The following PXDN variants were observed in gnomAD, a reference collection of about 807,000 sequenced individuals.
PXDN encodes peroxidasin homolog.
In PXDN, 77 loss-of-function variants were observed where a neutral mutation model predicts 140.3. That is an observed-to-expected ratio of 0.55 (90% CI 0.46 to 0.66). The LOEUF is 0.66. PXDN is among the 30% of genes least tolerant of loss of function. The pLI, the probability that PXDN is intolerant of heterozygous loss-of-function variation, is 0.00. For synonymous variants in PXDN, 911 were observed against 857.4 expected (o/e 1.06, Z -1.09); for missense variants, 1,838 against 2,039.5 (o/e 0.90, Z 1.90).
At position 1,723,219 on chromosome 2, in the gene PXDN, A is replaced by C. The variant is rs552349132; in HGVS notation, c.200+21037T>G. Among the ~76,000 whole-genome samples, 451 of 152,276 alleles carry C rather than the reference A, an allele frequency of 3.0e-3. 3 individuals carry two copies. Among genetic ancestry groups the C allele is most frequent in the African/African-American group, 0.01 (423 of 41,554 alleles). On this transcript the variant is annotated intron_variant, in intron 1 of 22. Coordinates refer to ENST00000252804, the MANE Select transcript of PXDN (RefSeq NM_012293.3). Reference sequence around the variant, plus strand: ...GATGAATGAATTAATGAATGGAAGAAAGAATAGATGGATGAGTGGTTATGA... The same window carrying C: ...GATGAATGAATTAATGAATGGAAGACAGAATAGATGGATGAGTGGTTATGA...
intron 3 of PXDN, among the ~76,000 whole-genome samples, chr2:1,689,038 C>T (rs531317301): frequency 3.5e-4 from 54 of 152,264 alleles, no homozygotes; most frequent in Non-Finnish European, 6.9e-4. Context: ...ACACGAACCA[C>T]CCAGAACTCC....
At position 1,663,925 on chromosome 2, in the gene PXDN, C is replaced by A; in HGVS notation, c.1409-162G>T. The stretch of plus-strand genomic sequence containing the variant: ...CAAATCTTTGCCTCCCCAGCAGACA[C>A]CATGGTGACACCTGAACGTCCCTGC... On this transcript the variant is annotated intron_variant, in intron 11 of 22. Coordinates refer to ENST00000252804, the MANE Select transcript of PXDN (RefSeq NM_012293.3). 7 of 769,734 alleles carry A rather than the reference C, an allele frequency of 9.1e-6. 1 individual carries two copies. In the South Asian group the frequency reaches 1.0e-4, roughly 12 times the overall value. 47.7% of individuals were successfully genotyped at this position (769,734 alleles called of 1,614,324 possible).
chr2:1,727,406 G>C (rs1256563508), intron 1 of PXDN, among the ~76,000 whole-genome samples: 1 of 152,234 alleles, frequency 6.6e-6, no homozygotes, highest in Non-Finnish European at 1.5e-5. Flanking sequence ...TACTGTGCTT[G>C]GCTGTGCGCT....
chr2:1,713,580 A>T (rs1002465879), intron 1 of PXDN, among the ~76,000 whole-genome samples: 1 of 152,198 alleles, frequency 6.6e-6, no homozygotes, highest in Non-Finnish European at 1.5e-5. Flanking sequence ...CCAGCACCAG[A>T]GGCTGTCTCC....
chr2:1,734,018 A>G (rs977861829), intron 1 of PXDN, among the ~76,000 whole-genome samples: 9 of 152,346 alleles, frequency 5.9e-5, no homozygotes, highest in Non-Finnish European at 8.8e-5. Context: ...CTCTAAAAAG[A>G]TAACTGACAG....
chr2:1,732,552 G>C (rs1685335650), intron 1 of PXDN, among the ~76,000 whole-genome samples: 1 of 152,220 alleles, frequency 6.6e-6, no homozygotes, highest in East Asian at 1.9e-4. Flanking sequence ...CCTTGCCTCA[G>C]TTGTTGAAAA....
At chr2:1,688,845 T>G (rs929884557) in intron 3 of PXDN, among the ~76,000 whole-genome samples, 1 of 152,326 alleles carries the variant, frequency 6.6e-6, no homozygotes, top group Admixed American at 6.5e-5. Context: ...TATAATATTA[T>G]ATAATTCATA....
At chr2:1,667,983 C>G (rs188668944) in intron 9 of PXDN, among the ~76,000 whole-genome samples, 1 of 152,164 alleles carries the variant, frequency 6.6e-6, no homozygotes, top group Non-Finnish European at 1.5e-5. Flanking sequence ...AAAAGCAGCC[C>G]GTATAGCCAA....
At chr2:1,720,834 C>T (rs1303361576) in intron 1 of PXDN, among the ~76,000 whole-genome samples, 1 of 152,132 alleles carries the variant, frequency 6.6e-6, no homozygotes, top group Non-Finnish European at 1.5e-5. Flanking sequence ...ATGACCTGGT[C>T]CTCCCGGACC....
chr2:1,692,050 C>T (rs1413530714), intron 2 of PXDN, 51 bp from the exon 3 acceptor site: 26 of 1,317,826 alleles, frequency 2.0e-5, no homozygotes, highest in Non-Finnish European at 2.7e-5. Flanking sequence ...AAACAAACTT[C>T]GAAGTTGTGT....
rs1417956062 is a variant in PXDN at position 1,680,176 on chromosome 2, C to T, written c.730+17G>A. 5.2e-6 allele frequency: 8 copies of T among 1,528,592 alleles called. No individual in the cohort carries two copies. In the Admixed American group the frequency reaches 1.0e-4, roughly 19 times the overall value. The allele number at this position is 1,528,592 out of a possible 1,614,324, so 94.7% of individuals were successfully genotyped here. A position where few individuals can be genotyped will look rare whatever the true frequency, so the allele number is the denominator to read the frequency against. ...GGTGTGAGTGTGTGGATGGTGTGTG[C>T]GTGTCGGGCCACTCACCACAGTTCA... is the stretch of plus-strand genomic sequence containing the variant. On this transcript the variant is annotated intron_variant, in intron 7 of 22. Transcript: ENST00000252804.
Position 1,649,755 on chromosome 2 carries a change from C to A in PXDN, c.2105-80G>T. The A allele has an allele frequency of 6.7e-7, 1 of 1,490,032 alleles. No homozygotes were observed. The highest frequency in any genetic ancestry group is 9.3e-7 in the Non-Finnish European group (1 of 1,075,148). 92.3% of individuals were successfully genotyped at this position (1,490,032 alleles called of 1,614,324 possible). A position where few individuals can be genotyped will look rare whatever the true frequency, so the allele number is the denominator to read the frequency against. On this transcript the variant is annotated intron_variant, in intron 16 of 22. Transcript: ENST00000252804. This position sits in a 1 kb window ranked among gnomAD's most constrained non-coding sequence, Gnocchi z 7.1. ...GCCCGGTACCCCTTGGCACCTCTGC[C>A]GCTGACATGGGGCTATCTACCCCCA...
chr2:1,742,374 T>A (rs1182804057), intron 1 of PXDN, among the ~76,000 whole-genome samples: 5 of 152,112 alleles, frequency 3.3e-5, no homozygotes, highest in Non-Finnish European at 7.4e-5. Flanking sequence ...AAGTTTAAGA[T>A]AGAAATGGAT....
chr2:1,727,906 C>T (rs1685226085), intron 1 of PXDN, among the ~76,000 whole-genome samples: 1 of 152,204 alleles, frequency 6.6e-6, no homozygotes, highest in South Asian at 2.1e-4. Flanking sequence ...CTGTCTTGTG[C>T]TATTCTGCAC....
chr2:1,700,736 G>A (rs573324318), intron 1 of PXDN, among the ~76,000 whole-genome samples: 10 of 152,144 alleles, frequency 6.6e-5, no homozygotes, highest in South Asian at 6.2e-4. Context: ...TTAGCCAGGC[G>A]TGGTGGCGCA....
rs573745176 is a variant in PXDN, at chr2:1,632,937, G to T, written c.*1267C>A. On this transcript the variant is annotated 3_prime_UTR_variant, in exon 23 of 23. Coordinates refer to ENST00000252804, the MANE Select transcript of PXDN (RefSeq NM_012293.3). The surrounding 1 kb of genome is among the most constrained non-coding windows in gnomAD (Gnocchi z 4.3). Reference sequence around the variant, plus strand: ...GGTCAGCGTGCTGCACTGAAGCTGTGTGTTCGGGGAAAGGTTGCTCAGAAC... The same window carrying T: ...GGTCAGCGTGCTGCACTGAAGCTGTTTGTTCGGGGAAAGGTTGCTCAGAAC... 1.3e-5 allele frequency: 2 copies of T among 152,594 alleles called. No individual in the cohort carries two copies. The highest frequency in any genetic ancestry group is 2.9e-5 in the Non-Finnish European group (2 of 68,044). The allele number at this position is 152,594 out of a possible 1,614,324, so 9.5% of individuals were successfully genotyped here.
chr2:1,713,213 C>T (rs1041033403), intron 1 of PXDN, among the ~76,000 whole-genome samples: 1 of 152,138 alleles, frequency 6.6e-6, no homozygotes, highest in African/African-American at 2.4e-5. Flanking sequence ...CCTCAGGATT[C>T]AGACACGCTC....
intron 1 of PXDN, among the ~76,000 whole-genome samples, chr2:1,697,813 C>T (rs1684333100): frequency 1.3e-5 from 2 of 152,194 alleles, no homozygotes. Flanking sequence ...ATGAGTGGAC[C>T]ACTGGGTCAC....
chr2:1,649,382 TGGACACCAGGCGCGGCATGGGAA>T lies in PXDN; in HGVS notation c.2375_2397del (p.Leu792HisfsTer67), dbSNP rs587777573. On this transcript the variant is annotated frameshift_variant, in exon 17 of 23. Transcript: ENST00000252804. LOFTEE classifies it high-confidence loss of function. The surrounding 1 kb of genome is among the most constrained non-coding windows in gnomAD (Gnocchi z 7.1). ...ACGGTCTCCGTCCCGATCAGGGTGG[TGGACACCAGGCGCGGCATGGGAA>T]GGGCGTGCCCGTTGTACAGTCGGTG... is the stretch of plus-strand genomic sequence containing the variant. The T allele has an allele frequency of 3.1e-6, 5 of 1,613,796 alleles. No homozygotes were observed. The highest frequency in any genetic ancestry group is 4.2e-6 in the Non-Finnish European group (5 of 1,179,846).
Sources: gnomAD v4.1 joint callset for allele counts (sites outside exome capture counted in the v4.1 genomes callset) on GRCh38, gnomAD v4.1.1 for gene constraint, Gnocchi (gnomAD v3.1) non-coding constraint, MANE v1.5 for transcripts, NCBI Gene and HGNC (gene_info 2026-07-23, HGNC 2026-07-21) for gene names.